UPP2: variants seen among roughly 807,000 people sequenced by gnomAD.
The protein encoded by UPP2 is uridine phosphorylase 2.
A neutral mutation model predicts 26.7 loss-of-function variants in UPP2; 23 were observed. The observed-to-expected ratio is 0.86, with a 90% CI of 0.62 to 1.22. UPP2 has a LOEUF of 1.22. UPP2 is among the 50% of genes most tolerant of loss of function. UPP2 has a pLI of 0.00. For missense variants in UPP2, 387 were observed against 396.7 expected (o/e 0.98, Z 0.21); for synonymous variants, 127 against 141.3 (o/e 0.90, Z 0.72).
chr2:158,073,489 G>A (rs188466047), intron 3 of UPP2, among the ~76,000 whole-genome samples: 4 of 152,240 alleles, frequency 2.6e-5, no homozygotes, highest in Admixed American at 2.6e-4. Context: ...ATACAAAAAG[G>A]TGATAGAACA....
chr2:158,072,028 G>A (rs544359651), intron 3 of UPP2, among the ~76,000 whole-genome samples: 8 of 152,256 alleles, frequency 5.3e-5, no homozygotes, highest in Admixed American at 5.2e-4. Flanking sequence ...GGGCTCTTGG[G>A]GACCCTGAGT....
chr2:158,129,456 A>G (rs2105233411), intron 6 of UPP2, among the ~76,000 whole-genome samples: 1 of 152,194 alleles, frequency 6.6e-6, no homozygotes, highest in East Asian at 1.9e-4. Context: ...TTTGAGATCT[A>G]ACCTGCTCCT....
intron 2 of UPP2, among the ~76,000 whole-genome samples, chr2:158,002,172 G>A (rs1404313943): frequency 6.6e-6 from 1 of 152,076 alleles, no homozygotes; most frequent in Non-Finnish European, 1.5e-5. Context: ...AATAAAAGAG[G>A]GAGATGAGGT....
intron 3 of UPP2, among the ~76,000 whole-genome samples, chr2:158,073,233 A>C (rs2105188874): frequency 6.6e-6 from 1 of 152,142 alleles, no homozygotes; most frequent in African/African-American, 2.4e-5. Flanking sequence ...TAATTAATCA[A>C]GCAGAAGAAA....
intron 3 of UPP2, among the ~76,000 whole-genome samples, chr2:158,058,373 G>C (rs1457689905): frequency 2.7e-5 from 1 of 37,604 alleles, no homozygotes; most frequent in Non-Finnish European, 4.2e-5. Flanking sequence ...ATGCTTGTAT[G>C]CTCTCTCTCT....
chr2:158,044,778 G>A (rs764242482), intron 3 of UPP2, among the ~76,000 whole-genome samples: 33 of 152,140 alleles, frequency 2.2e-4, no homozygotes, highest in Admixed American at 4.6e-4. Flanking sequence ...CCAGAGAGAC[G>A]GTAACCAGAG....
chr2:158,005,871 C>G (rs1683479745), intron 2 of UPP2, among the ~76,000 whole-genome samples: 1 of 152,100 alleles, frequency 6.6e-6, no homozygotes, highest in African/African-American at 2.4e-5. Flanking sequence ...CACAGGACTT[C>G]TAGGCATCCG....
intron 3 of UPP2, among the ~76,000 whole-genome samples, chr2:158,116,294 A>G (rs1017083521): frequency 7.9e-5 from 12 of 152,194 alleles, no homozygotes; most frequent in Non-Finnish European, 1.3e-4. Context: ...GATCTTGGTA[A>G]ATTTTTTCTT....
rs12623742 is a variant in UPP2 at position 158,052,511 on chromosome 2, C to T, written c.147+36625C>T. The stretch of plus-strand genomic sequence containing the variant: ...ACCATTCTATCCCTAGTGGCTAATG[C>T]CCTGGACACCAACAGTAGCCATTCA... On this transcript the variant is annotated intron_variant, in intron 3 of 9. Coordinates refer to the UPP2 transcript ENST00000605860. Among the ~76,000 whole-genome samples the T allele has an allele frequency of 1.1e-3, 168 of 152,228 alleles. 4 individuals are homozygous for T. The East Asian group carries it at 0.028, about 26-fold the overall frequency.
At chr2:158,036,628 A>G (rs1261122738) in intron 3 of UPP2, among the ~76,000 whole-genome samples, 1 of 152,252 alleles carries the variant, frequency 6.6e-6, no homozygotes, top group Non-Finnish European at 1.5e-5. Flanking sequence ...TAAGGCTCTG[A>G]GAAACACACA....
At chr2:158,001,678 G>C (rs578094949) in intron 2 of UPP2, among the ~76,000 whole-genome samples, 105 of 152,090 alleles carry the variant, frequency 6.9e-4, no homozygotes, top group Non-Finnish European at 6.5e-4. Context: ...TTCCCAAGAT[G>C]AAATAACTTA....
At chr2:158,017,852 G>A (rs1457187617) in intron 3 of UPP2, among the ~76,000 whole-genome samples, 1 of 152,160 alleles carries the variant, frequency 6.6e-6, no homozygotes, top group Non-Finnish European at 1.5e-5. Context: ...TTTCAATGAA[G>A]CACAAACAAT....
intron 2 of UPP2, among the ~76,000 whole-genome samples, chr2:157,998,459 G>C (rs549505747): frequency 4.5e-4 from 69 of 152,282 alleles, no homozygotes; most frequent in African/African-American, 1.6e-3. Context: ...TGGGCTCCCT[G>C]ATTTGATTAT....
chr2:158,102,782 T>C (rs558886104), intron 1 of UPP2, among the ~76,000 whole-genome samples: 20 of 152,232 alleles, frequency 1.3e-4, no homozygotes, highest in African/African-American at 4.3e-4. Context: ...AGAGCCTCCA[T>C]TATGTCAGCA....
intron 3 of UPP2, among the ~76,000 whole-genome samples, chr2:158,074,129 A>T (rs997647235): frequency 8.5e-5 from 13 of 152,208 alleles, no homozygotes; most frequent in African/African-American, 3.1e-4. Context: ...GTGAGCCAAG[A>T]TTGTGCCACT....
chr2:158,090,829 A>G (rs1480016690), intron 3 of UPP2, among the ~76,000 whole-genome samples: 1 of 152,158 alleles, frequency 6.6e-6, no homozygotes, highest in Non-Finnish European at 1.5e-5. Context: ...CCCAGAGAGG[A>G]TCAAACTTGG....
chr2:158,065,045 C>T (rs10167563), intron 3 of UPP2, among the ~76,000 whole-genome samples: 12,867 of 152,076 alleles, frequency 0.085, 1,174 homozygotes, highest in African/African-American at 0.22. Flanking sequence ...GGAACAGCTC[C>T]GGTCTGCAGC....
intron 4 of UPP2, among the ~76,000 whole-genome samples, chr2:158,118,492 C>A (rs1346685885): frequency 6.6e-6 from 1 of 151,932 alleles, no homozygotes; most frequent in African/African-American, 2.4e-5. Flanking sequence ...TTCACAGAGC[C>A]TCCCAACCTC....
At position 158,059,264 on chromosome 2, in the gene UPP2, C is replaced by T. The variant is rs143730349; in HGVS notation, c.148-42776C>T. 5.2e-3 allele frequency among the ~76,000 whole-genome samples: 793 copies of T among 152,350 alleles called. 5 individuals carry two copies. Among genetic ancestry groups the T allele is most frequent in the African/African-American group, 0.017 (693 of 41,586 alleles). ...ATCTCCGAACTTACAGACCTTGCTG[C>T]CCAGCTCTAGCCATATAATGAACTT... On this transcript the variant is annotated intron_variant, in intron 3 of 9. Coordinates refer to the UPP2 transcript ENST00000605860.
Sources: allele counts gnomAD v4.1 joint callset (sites outside exome capture counted in the v4.1 genomes callset), GRCh38; gene constraint gnomAD v4.1.1; transcripts MANE v1.5; gene names NCBI Gene and HGNC (gene_info 2026-07-23, HGNC 2026-07-21).